DAB1: variants seen among roughly 807,000 people sequenced by gnomAD.
DAB1 encodes DAB adaptor protein 1.
DAB1 carries 15 observed loss-of-function variants against 64.6 expected under a neutral mutation model. That is an observed-to-expected ratio of 0.23 (90% CI 0.16 to 0.36). The LOEUF (loss-of-function observed/expected upper bound fraction) is 0.36, where lower values mean the gene tolerates loss of function less well. DAB1 is among the 10% of genes least tolerant of loss of function. The pLI is 1.00. For missense variants in DAB1, 596 were observed against 706.7 expected (o/e 0.84, Z 1.78); for synonymous variants, 235 against 251.9 (o/e 0.93, Z 0.64).
At chr1:58,209,718 A>C (rs1218557100) in intron 4 of DAB1, among the ~76,000 whole-genome samples, 1 of 152,196 alleles carries the variant, frequency 6.6e-6, no homozygotes, top group Non-Finnish European at 1.5e-5. Context: ...TTTTCTAACA[A>C]GTTTATTAAA....
rs189733428 is a variant in DAB1, at chr1:57,759,592, A to G, written n.552-109927T>C. On this transcript the variant is annotated intron_variant and non_coding_transcript_variant, in intron 6 of 20. Coordinates refer to the DAB1 transcript ENST00000485760. ...AGAGTATTATATCTAGGCCACAGTA[A>G]TAAATCTGCATTGTTTCATTTTGTT... is the stretch of plus-strand genomic sequence containing the variant. Among the ~76,000 whole-genome samples the G allele has an allele frequency of 5.9e-5, 9 of 152,342 alleles. No individual in the cohort carries two copies. In the East Asian group the frequency reaches 1.7e-3, roughly 29 times the overall value.
chr1:57,848,048 A>T (rs905815732), intron 1 of DAB1, among the ~76,000 whole-genome samples: 6 of 152,194 alleles, frequency 3.9e-5, no homozygotes, highest in Non-Finnish European at 5.9e-5. Flanking sequence ...CTGTAAGAGT[A>T]AGCCTGGTTT....
Position 57,081,628 on chromosome 1 carries a change from C to T in DAB1, c.307-9214G>A, listed in dbSNP as rs572191417. Among the ~76,000 whole-genome samples, 5 of 150,862 alleles carry T rather than the reference C, an allele frequency of 3.3e-5. No individual in the cohort carries two copies. In the South Asian group the frequency reaches 6.2e-4, roughly 19 times the overall value. On this transcript the variant is annotated intron_variant, in intron 4 of 14. Coordinates refer to ENST00000371236, the MANE Select transcript of DAB1 (RefSeq NM_001365792.1). ...ACTTTTTGAGGTGAGTTTTCCATCG[C>T]TTGCAACTGAGAGATTTCTGAACAA...
At chr1:57,023,417 T>C (rs1482445568) in intron 11 of DAB1, 114 bp downstream of exon 11, 3 of 661,920 alleles carry the variant, frequency 4.5e-6, no homozygotes, top group Non-Finnish European at 8.3e-6. Context: ...ACCTGAAGAG[T>C]CACAGGAGAG....
At chr1:58,337,285 GAAAAAAA>G (rs11322441) in intron 4 of DAB1, among the ~76,000 whole-genome samples, 9 of 67,190 alleles carry the variant, frequency 1.3e-4, no homozygotes, top group African/African-American at 4.4e-4. Flanking sequence ...CTGTCTCAAA[GAAAAAAA>G]AAAAAAAAAG....
intron 2 of DAB1, among the ~76,000 whole-genome samples, chr1:57,151,642 A>C (rs1659674278): frequency 6.6e-6 from 1 of 152,048 alleles, no homozygotes; most frequent in Admixed American, 6.6e-5. Flanking sequence ...AAACTTTCCA[A>C]AGTTTCAATT....
chr1:58,411,552 G>A (rs849487), intron 3 of DAB1, among the ~76,000 whole-genome samples: 10,629 of 152,240 alleles, frequency 0.07, 561 homozygotes, highest in East Asian at 0.27. Flanking sequence ...ACCTCTAAGT[G>A]AGACATTATA....
intron 7 of DAB1, among the ~76,000 whole-genome samples, chr1:57,618,107 A>G (rs115492858): frequency 0.017 from 2,547 of 152,234 alleles, 80 homozygotes; most frequent in African/African-American, 0.058. Flanking sequence ...TGATACAGGA[A>G]AGAATATCAT....
intron 14 of DAB1, among the ~76,000 whole-genome samples, chr1:57,005,070 A>G (rs1429189102): frequency 6.6e-6 from 1 of 152,186 alleles, no homozygotes; most frequent in African/African-American, 2.4e-5. Flanking sequence ...TAAACACTGA[A>G]TGGATTTGAT....
At chr1:58,443,899 A>G (rs1426505809) in intron 3 of DAB1, among the ~76,000 whole-genome samples, 2 of 152,186 alleles carry the variant, frequency 1.3e-5, no homozygotes, top group Admixed American at 1.3e-4. Context: ...ATTTTTTCTA[A>G]CTCTGCCACT....
intron 5 of DAB1, among the ~76,000 whole-genome samples, chr1:58,000,438 T>C (rs779644620): frequency 6.6e-6 from 1 of 152,180 alleles, no homozygotes; most frequent in Non-Finnish European, 1.5e-5. Context: ...TCTTTTCAAA[T>C]GCTTTTAATA....
At chr1:58,323,573 C>G (rs1014976417) in intron 4 of DAB1, among the ~76,000 whole-genome samples, 5 of 152,112 alleles carry the variant, frequency 3.3e-5, no homozygotes, top group South Asian at 2.1e-4. Flanking sequence ...ATCAACCAAT[C>G]AGTGGGATAC....
intron 7 of DAB1, among the ~76,000 whole-genome samples, chr1:57,540,386 G>A (rs1342521481): frequency 2.0e-5 from 3 of 152,118 alleles, no homozygotes; most frequent in African/African-American, 4.8e-5. Flanking sequence ...AAAACAGTAC[G>A]GAGATCTCTC....
chr1:57,517,071 G>A (rs1454361453), intron 7 of DAB1, among the ~76,000 whole-genome samples: 1 of 152,162 alleles, frequency 6.6e-6, no homozygotes, highest in African/African-American at 2.4e-5. Flanking sequence ...TTAAAGTTAA[G>A]CTTTGTTTTC....
rs1302512487 is a variant in DAB1, at chr1:56,996,214, G to T, written c.*1930C>A. On this transcript the variant is annotated 3_prime_UTR_variant, in exon 15 of 15. Coordinates refer to ENST00000371236, the MANE Select transcript of DAB1 (RefSeq NM_001365792.1). Reference sequence around the variant, plus strand: ...TATTGATATGAAGAATCAAATGCAGGCCTATTCAAATCAATTGTCTCAATG... The same window carrying T: ...TATTGATATGAAGAATCAAATGCAGTCCTATTCAAATCAATTGTCTCAATG... 1.3e-5 allele frequency: 2 copies of T among 152,084 alleles called. No homozygotes were observed. The highest frequency in any genetic ancestry group is 1.9e-4 in the East Asian group (1 of 5,198). The allele number at this position is 152,084 out of a possible 1,614,324, so 9.4% of individuals were successfully genotyped here. A position where few individuals can be genotyped will look rare whatever the true frequency, so the allele number is the denominator to read the frequency against.
rs530116114 is a variant in DAB1, at chr1:57,514,255, C to G, written n.625+135337G>C. 4.4e-4 allele frequency among the ~76,000 whole-genome samples: 67 copies of G among 152,230 alleles called. 1 individual carries two copies. The Middle Eastern group carries it at 0.014, about 31-fold the overall frequency. ...GTTCAATTTGTAATCTTTTAAGGAA[C>G]CTTCATACTTTTTTCCATAATGACT... On this transcript the variant is annotated intron_variant and non_coding_transcript_variant, in intron 7 of 20. Coordinates refer to the DAB1 transcript ENST00000485760.
At chr1:58,107,494 A>G (rs994080938) in intron 5 of DAB1, among the ~76,000 whole-genome samples, 1 of 151,816 alleles carries the variant, frequency 6.6e-6, no homozygotes, top group African/African-American at 2.4e-5. Context: ...AATCTAAAAA[A>G]AGTAATCTAA....
chr1:58,135,983 G>A (rs563459230), intron 5 of DAB1, among the ~76,000 whole-genome samples: 1 of 152,216 alleles, frequency 6.6e-6, no homozygotes, highest in East Asian at 1.9e-4. Flanking sequence ...AAAATGCAGG[G>A]CTAGATGCAG....
intron 4 of DAB1, among the ~76,000 whole-genome samples, chr1:58,230,844 A>G (rs1244298836): frequency 6.6e-6 from 1 of 152,172 alleles, no homozygotes; most frequent in Non-Finnish European, 1.5e-5. Flanking sequence ...AAGCCTCCCA[A>G]CAGCTCTGCA....
Sources: gnomAD v4.1 joint callset for allele counts (sites outside exome capture counted in the v4.1 genomes callset) on GRCh38, gnomAD v4.1.1 for gene constraint, MANE v1.5 for transcripts, NCBI Gene and HGNC (gene_info 2026-07-23, HGNC 2026-07-21) for gene names.